The following UGGT2 variants were observed in gnomAD, a reference collection of about 807,000 sequenced individuals.
UGGT2 encodes UDP-glucose:glycoprotein glucosyltransferase 2.
Under a neutral mutation model 192.1 loss-of-function variants are expected in UGGT2, and 180 were observed. The observed-to-expected ratio is 0.94, with a 90% CI of 0.83 to 1.06. UGGT2 has a LOEUF of 1.06. UGGT2 is among the 50% of genes least tolerant of loss of function. The pLI, the probability that UGGT2 is intolerant of heterozygous loss-of-function variation, is 0.00. For synonymous variants in UGGT2, 580 were observed against 591.0 expected, an observed-to-expected ratio of 0.98 and a Z score of 0.27; for missense variants, 1,849 against 1,795.7, an observed-to-expected ratio of 1.03 and a Z score of -0.54.
intron 30 of UGGT2, among the ~76,000 whole-genome samples, chr13:95,864,480 T>C (rs1167753671): frequency 2.0e-5 from 3 of 152,170 alleles, no homozygotes; most frequent in Non-Finnish European, 4.4e-5. Flanking sequence ...TAGTACAGCA[T>C]AGTTATAGTT....
intron 26 of UGGT2, chr13:95,887,433 A>C: frequency 2.6e-6 from 1 of 389,890 alleles, no homozygotes; most frequent in African/African-American, 2.1e-5. Flanking sequence ...AGTGTTAATG[A>C]GGAATATTTG....
chr13:95,860,925 T>C (rs1890105546), intron 31 of UGGT2, 42 bp from the exon 32 acceptor site: 1 of 1,242,162 alleles, frequency 8.1e-7, no homozygotes, highest in Non-Finnish European at 1.1e-6. Context: ...AACATACATA[T>C]GGAAACATTG....
rs139944830 is a variant in UGGT2, at chr13:96,037,685, C to G, written c.159-5714G>C. 7.4e-3 allele frequency among the ~76,000 whole-genome samples: 1,132 copies of G among 152,250 alleles called. 7 individuals carry two copies. Among genetic ancestry groups the G allele is most frequent in the Non-Finnish European group, 0.013 (884 of 68,016 alleles). On this transcript the variant is annotated intron_variant, in intron 1 of 38. Coordinates refer to ENST00000376747, the MANE Select transcript of UGGT2 (RefSeq NM_020121.4). The stretch of plus-strand genomic sequence containing the variant: ...CAATTTTTGGATTTAAAGCATTATT[C>G]TTAAAAATTTCCCTCACTTGCTCCC...
At chr13:95,860,976 T>G (rs2140082509) in intron 31 of UGGT2, 93 bp from the exon 32 acceptor site, 1 of 586,382 alleles carries the variant, frequency 1.7e-6, no homozygotes, top group East Asian at 3.4e-5. Context: ...TATAGAAATG[T>G]ATTTCAAAAT....
At chr13:96,005,123 C>T (rs35898412) in intron 5 of UGGT2, among the ~76,000 whole-genome samples, 60,460 of 151,880 alleles carry the variant, frequency 0.4, 12,254 homozygotes, top group Middle Eastern at 0.45. Context: ...TTCTGGGTAG[C>T]ATATACAAAA....
chr13:95,908,637 T>C (rs964867700), intron 20 of UGGT2, among the ~76,000 whole-genome samples: 3 of 150,278 alleles, frequency 2.0e-5, no homozygotes, highest in Non-Finnish European at 4.4e-5. Flanking sequence ...ATGATCGCCA[T>C]TCTAACTGGT....
chr13:95,945,340 A>G (rs1052494415), intron 15 of UGGT2, among the ~76,000 whole-genome samples: 1 of 152,026 alleles, frequency 6.6e-6, no homozygotes, highest in Non-Finnish European at 1.5e-5. Flanking sequence ...TTTTCCTAAA[A>G]ACTATGCCTT....
rs1252151715 is a variant in UGGT2 at position 96,014,358 on chromosome 13, C to T, written c.486-877G>A. ...AGGTATGAGTAACATTCCTACAGCA[C>T]GTTAGTGAAAAGAAGGTGGGTTTTG... On this transcript the variant is annotated intron_variant, in intron 4 of 38. Coordinates refer to ENST00000376747, the MANE Select transcript of UGGT2 (RefSeq NM_020121.4). Among the ~76,000 whole-genome samples, 7 of 152,212 alleles carry T rather than the reference C, an allele frequency of 4.6e-5. No individual in the cohort carries two copies. The South Asian group carries it at 8.3e-4, about 18-fold the overall frequency.
intron 17 of UGGT2, among the ~76,000 whole-genome samples, chr13:95,936,100 T>C (rs1294834670): frequency 1.3e-5 from 2 of 152,212 alleles, no homozygotes; most frequent in Non-Finnish European, 2.9e-5. Flanking sequence ...AGAGGTGGGA[T>C]TACAGGTATA....
chr13:95,942,626 A>G (rs1298223901), intron 15 of UGGT2, among the ~76,000 whole-genome samples: 2 of 151,974 alleles, frequency 1.3e-5, no homozygotes, highest in Non-Finnish European at 2.9e-5. Context: ...TATTTTATGC[A>G]TTTCTCCTCT....
chr13:96,034,682 C>A (rs377290504), intron 1 of UGGT2, among the ~76,000 whole-genome samples: 2 of 152,310 alleles, frequency 1.3e-5, no homozygotes, highest in South Asian at 2.1e-4. Flanking sequence ...GGTGCCACTG[C>A]ATTCCACCAC....
At chr13:95,813,409 T>C (rs1884671220) in intron 38 of UGGT2, among the ~76,000 whole-genome samples, 1 of 152,186 alleles carries the variant, frequency 6.6e-6, no homozygotes, top group African/African-American at 2.4e-5. Context: ...TAGGGATCTG[T>C]GGAAGTTTGA....
chr13:96,028,292 T>A (rs2052727106), intron 2 of UGGT2, among the ~76,000 whole-genome samples: 1 of 152,206 alleles, frequency 6.6e-6, no homozygotes, highest in Non-Finnish European at 1.5e-5. Flanking sequence ...GGTTCTTGGG[T>A]AAAAGTAACT....
At chr13:95,953,138 G>A (rs2050117743) in intron 12 of UGGT2, among the ~76,000 whole-genome samples, 1 of 152,174 alleles carries the variant, frequency 6.6e-6, no homozygotes, top group African/African-American at 2.4e-5. Flanking sequence ...CATTATATGT[G>A]AAATTTCAAC....
intron 29 of UGGT2, among the ~76,000 whole-genome samples, chr13:95,870,977 T>A (rs1891165476): frequency 6.6e-6 from 1 of 152,230 alleles, no homozygotes; most frequent in African/African-American, 2.4e-5. Flanking sequence ...CCAGATGCTG[T>A]CCCTCAATCT....
intron 20 of UGGT2, among the ~76,000 whole-genome samples, chr13:95,921,801 A>G (rs1435747662): frequency 2.6e-5 from 4 of 152,244 alleles, no homozygotes; most frequent in Admixed American, 2.6e-4. Context: ...AAGGTTGCAG[A>G]GAAAAAGGGA....
chr13:96,023,813 T>C (rs2052586861), intron 2 of UGGT2, 54 bp from the exon 3 acceptor site: 2 of 1,396,150 alleles, frequency 1.4e-6, no homozygotes, highest in Admixed American at 4.1e-5. Context: ...CACTGCACAT[T>C]GGCACATCTT....
At chr13:95,991,503 T>C (rs1038638680) in intron 7 of UGGT2, 1 of 452,640 alleles carries the variant, frequency 2.2e-6, no homozygotes, top group Admixed American at 2.4e-5. Flanking sequence ...AAATACAGAA[T>C]ATACATAAAT....
At position 95,939,993 on chromosome 13, in the gene UGGT2, AAT is replaced by A; in HGVS notation, c.1774_1775del (p.Ile592PhefsTer6). The A allele has an allele frequency of 6.2e-7, 1 of 1,601,524 alleles. No individual in the cohort carries two copies. On this transcript the variant is annotated frameshift_variant, in exon 16 of 39. Coordinates refer to ENST00000376747, the MANE Select transcript of UGGT2 (RefSeq NM_020121.4). LOFTEE classifies it high-confidence loss of function. ...NTFPHANIWDILGIHSKYDEE... is the reference protein window; with the variant it reads ...NTFPHANIWDXLGIHSKYDEE... ...CATCATATTTAGAATGAATTCCCAA[AAT>A]ATCCCAAATATTAGCATGAGGAAAT... is the stretch of plus-strand genomic sequence containing the variant.
Sources: gnomAD v4.1 joint callset for allele counts (sites outside exome capture counted in the v4.1 genomes callset) on GRCh38, gnomAD v4.1.1 for gene constraint, MANE v1.5 for transcripts, NCBI Gene and HGNC (gene_info 2026-07-23, HGNC 2026-07-21) for gene names.